PLEKHH2: variants seen among roughly 807,000 people sequenced by gnomAD.
PLEKHH2 encodes pleckstrin homology domain-containing family H member 2.
In PLEKHH2, 129 loss-of-function variants were observed where a neutral mutation model predicts 187.9. That is an observed-to-expected ratio of 0.69 (90% CI 0.59 to 0.79). The LOEUF is 0.79. Ranked by LOEUF, PLEKHH2 falls within the 30% of genes least tolerant of loss-of-function variation. The pLI is 0.00. For missense variants in PLEKHH2, 2,076 were observed against 1,751.2 expected, an observed-to-expected ratio of 1.19 and a Z score of -3.31; for synonymous variants, 686 against 605.6, an observed-to-expected ratio of 1.13 and a Z score of -1.95.
At chr2:43,676,392 T>C in intron 2 of PLEKHH2, 5 of 1,307,352 alleles carry the variant, frequency 3.8e-6, no homozygotes, top group Middle Eastern at 1.9e-4. Context: ...TCCCGCGCCT[T>C]CCGGAGCTGG....
At position 43,726,293 on chromosome 2, in the gene PLEKHH2, C is replaced by T. The variant is rs761409457; in HGVS notation, c.2563C>T (p.Leu855Phe). 4 of 1,611,058 alleles carry T rather than the reference C, an allele frequency of 2.5e-6. No homozygotes were observed. Among genetic ancestry groups the T allele is most frequent in the Non-Finnish European group, 3.4e-6 (4 of 1,177,498 alleles). ...TTAGTTTCCTTTAGGTCAGATCAAACTCTGGGAGGCTAAAGTGGAAGAGGT... is the reference window on the plus strand; with the variant it reads ...TTAGTTTCCTTTAGGTCAGATCAAATTCTGGGAGGCTAAAGTGGAAGAGGT... ...EDKFPLGQIKLWEAKVEEVDR... is the reference protein window; with the variant it reads ...EDKFPLGQIKFWEAKVEEVDR... Residue 855 changes from leucine to phenylalanine, a missense_variant, in exon 17 of 30, where the codon CTC becomes TTC. Leu to Phe is a conservative substitution (Grantham distance 22). Coordinates refer to ENST00000282406, the MANE Select transcript of PLEKHH2 (RefSeq NM_172069.4).
At position 43,754,439 on chromosome 2, in the gene PLEKHH2, T is replaced by C. The variant is rs1203348868; in HGVS notation, c.3795+679T>C. ...CTGAAAAGGGCATGCTCTCCCGCAC[T>C]TGAGAAAACTTCTCAGCAGCTGCAT... On this transcript the variant is annotated intron_variant, in intron 25 of 29. Coordinates refer to ENST00000282406, the MANE Select transcript of PLEKHH2 (RefSeq NM_172069.4). Among the ~76,000 whole-genome samples, 9 of 152,248 alleles carry C rather than the reference T, an allele frequency of 5.9e-5. No individual in the cohort carries two copies. The East Asian group carries it at 1.7e-3, about 29-fold the overall frequency.
intron 1 of PLEKHH2, among the ~76,000 whole-genome samples, chr2:43,643,235 A>G (rs1666030709): frequency 6.6e-6 from 1 of 152,100 alleles, no homozygotes; most frequent in Admixed American, 6.6e-5. Context: ...TCAGGAAACA[A>G]TGGGGCAAGG....
At position 43,729,812 on chromosome 2, in the gene PLEKHH2, A is replaced by T. The variant is rs1670952009; in HGVS notation, c.2830+67A>T. The T allele has an allele frequency of 3.5e-6, 4 of 1,131,592 alleles. No individual in the cohort carries two copies. The Admixed American group carries it at 8.8e-5, about 25-fold the overall frequency. The allele number at this position is 1,131,592 out of a possible 1,614,324, so 70.1% of individuals were successfully genotyped here. ...AATGGACCTCAACCCGCTTAGCCTAATGGAGTTTTCACTTAATGGGTTCCT... is the reference window on the plus strand; with the variant it reads ...AATGGACCTCAACCCGCTTAGCCTATTGGAGTTTTCACTTAATGGGTTCCT... On this transcript the variant is annotated intron_variant, in intron 18 of 29. Transcript: ENST00000282406.
At position 43,738,515 on chromosome 2, in the gene PLEKHH2, T is replaced by A; in HGVS notation, c.3118T>A (p.Leu1040Met). Residue 1040 changes from leucine (L) to methionine (M), a missense_variant, in exon 20 of 30, where the codon TTG becomes ATG. Leu to Met is a conservative substitution (Grantham distance 15). Transcript: ENST00000282406. ...ACAGCCACAGAATCAACCAGGACCA[T>A]TGCAGGTAGATATTAATATTGATAC... is the stretch of plus-strand genomic sequence containing the variant. ...RRQPQNQPGP[L>M]QGWQLLALCV... The A allele has an allele frequency of 1.2e-6, 2 of 1,605,294 alleles. No homozygotes were observed. The highest frequency in any genetic ancestry group is 1.7e-6 in the Non-Finnish European group (2 of 1,174,478).
intron 2 of PLEKHH2, among the ~76,000 whole-genome samples, chr2:43,673,763 T>G (rs941089735): frequency 6.6e-6 from 1 of 152,206 alleles, no homozygotes; most frequent in Non-Finnish European, 1.5e-5. Context: ...AGTTAAATAA[T>G]GTACCCATCA....
At chr2:43,726,171 A>T in intron 16 of PLEKHH2, 101 bp from the exon 17 acceptor site, 12 of 778,556 alleles carry the variant, frequency 1.5e-5, no homozygotes, top group East Asian at 2.9e-5. Context: ...AAATTTTTAA[A>T]GGTATGCTTT....
At chr2:43,710,894 A>T (rs747207445) in intron 14 of PLEKHH2, 202 of 1,099,374 alleles carry the variant, frequency 1.8e-4, no homozygotes, top group Non-Finnish European at 2.1e-4. Context: ...CTGGTAAATG[A>T]ATTCTCAATA....
intron 2 of PLEKHH2, among the ~76,000 whole-genome samples, chr2:43,673,503 C>G (rs1414034466): frequency 6.6e-6 from 1 of 152,134 alleles, no homozygotes; most frequent in Non-Finnish European, 1.5e-5. Flanking sequence ...GTTATATTAT[C>G]CACATTTTAT....
chr2:43,753,905 T>C, intron 25 of PLEKHH2, 145 bp downstream of exon 25: 1 of 665,402 alleles, frequency 1.5e-6, no homozygotes, highest in Non-Finnish European at 2.3e-6. Flanking sequence ...GGCACTATAA[T>C]TATAGTTTGC....
At chr2:43,670,299 A>G (rs1667434199) in intron 2 of PLEKHH2, among the ~76,000 whole-genome samples, 1 of 152,200 alleles carries the variant, frequency 6.6e-6, no homozygotes, top group African/African-American at 2.4e-5. Flanking sequence ...CTGGCTTTCA[A>G]GTATAAAGGG....
At chr2:43,706,134 C>T (rs1669643952) in intron 9 of PLEKHH2, among the ~76,000 whole-genome samples, 188 bp from the exon 10 acceptor site, 1 of 152,096 alleles carries the variant, frequency 6.6e-6, no homozygotes, top group Admixed American at 6.5e-5. Flanking sequence ...AAATAATGAA[C>T]CATGTAAAAA....
intron 3 of PLEKHH2, chr2:43,680,514 C>T (rs1668115388): frequency 6.4e-6 from 1 of 155,790 alleles, no homozygotes; most frequent in Non-Finnish European, 1.4e-5. Context: ...TGTCATGTTT[C>T]CTTCCTTCAA....
At chr2:43,717,419 A>G (rs2104535346) in intron 15 of PLEKHH2, among the ~76,000 whole-genome samples, 1 of 25,128 alleles carries the variant, frequency 4.0e-5, no homozygotes, top group East Asian at 2.9e-4. Flanking sequence ...CTCCACCTCA[A>G]ACAAACAAAC....
chr2:43,689,960 C>T (rs1296340289), intron 3 of PLEKHH2, among the ~76,000 whole-genome samples: 1 of 152,204 alleles, frequency 6.6e-6, no homozygotes, highest in African/African-American at 2.4e-5. Flanking sequence ...CTTGCTTTAA[C>T]TTAATAAAAG....
intron 26 of PLEKHH2, among the ~76,000 whole-genome samples, 157 bp downstream of exon 26, chr2:43,757,421 TC>T (rs1236708680): frequency 7.4e-6 from 1 of 134,872 alleles, no homozygotes; most frequent in East Asian, 2.0e-4. Flanking sequence ...TTTTTTTCTT[TC>T]TTTTTTTTTT....
At chr2:43,686,403 G>C (rs1429035296) in intron 3 of PLEKHH2, among the ~76,000 whole-genome samples, 2 of 152,140 alleles carry the variant, frequency 1.3e-5, no homozygotes, top group Non-Finnish European at 1.5e-5. Flanking sequence ...CATCATGTTG[G>C]TCAGGCTGGT....
intron 2 of PLEKHH2, among the ~76,000 whole-genome samples, chr2:43,677,687 A>T (rs868594429): frequency 6.6e-6 from 1 of 151,818 alleles, no homozygotes; most frequent in East Asian, 1.9e-4. Flanking sequence ...CATTGTCATC[A>T]TGGCCCGTTC....
intron 2 of PLEKHH2, among the ~76,000 whole-genome samples, chr2:43,676,689 G>A (rs1436680273): frequency 1.3e-5 from 2 of 152,094 alleles, no homozygotes; most frequent in African/African-American, 4.8e-5. Context: ...TTCAGCCCCT[G>A]GTACAACACA....
Sources: allele counts gnomAD v4.1 joint callset (sites outside exome capture counted in the v4.1 genomes callset), GRCh38; gene constraint gnomAD v4.1.1; transcripts MANE v1.5; gene names NCBI Gene and HGNC (gene_info 2026-07-23, HGNC 2026-07-21).